Variants in AGPAT5 observed in about 807,000 individuals in gnomAD.
The protein encoded by AGPAT5 is 1-acylglycerol-3-phosphate O-acyltransferase 5, also known as 1-acyl-sn-glycerol-3-phosphate acyltransferase epsilon.
AGPAT5 carries 46 observed loss-of-function variants against 45.6 expected under a neutral mutation model. The ratio of observed to expected loss-of-function variants is 1.01; its 90% confidence interval spans 0.80 to 1.29. The LOEUF is 1.29. AGPAT5 is among the 50% of genes most tolerant of loss of function. The probability of loss-of-function intolerance (pLI) is 0.00; values close to 1 mark genes in which losing one functional copy is unlikely to be tolerated. For synonymous variants in AGPAT5, 272 were observed against 167.0 expected, an observed-to-expected ratio of 1.63 and a Z score of -4.85; for missense variants, 673 against 450.7, an observed-to-expected ratio of 1.49 and a Z score of -4.47.
chr8:6,729,435 T>C (rs1455261758), intron 2 of AGPAT5, among the ~76,000 whole-genome samples: 1 of 152,098 alleles, frequency 6.6e-6, no homozygotes, highest in African/African-American at 2.4e-5. Context: ...ATAGAATTAT[T>C]CTTTTCACAG....
intron 4 of AGPAT5, among the ~76,000 whole-genome samples, chr8:6,734,081 G>T (rs1392692774): frequency 1.3e-5 from 2 of 152,034 alleles, no homozygotes. Context: ...TTTTTACCTG[G>T]ATTGGTCCTC....
chr8:6,747,938 C>A, intron 6 of AGPAT5, 110 bp downstream of exon 6: 1 of 1,076,662 alleles, frequency 9.3e-7, no homozygotes, highest in Non-Finnish European at 1.3e-6. Context: ...TCCTTCATTA[C>A]ATTTACCCGG....
intron 4 of AGPAT5, among the ~76,000 whole-genome samples, chr8:6,734,244 T>G (rs531608975): frequency 7.9e-5 from 12 of 152,216 alleles, no homozygotes; most frequent in African/African-American, 2.9e-4. Context: ...GATGCATTAT[T>G]CGTTTTTTGT....
At chr8:6,727,950 C>G (rs1800741892) in intron 2 of AGPAT5, among the ~76,000 whole-genome samples, 1 of 152,166 alleles carries the variant, frequency 6.6e-6, no homozygotes. Context: ...GTCTCCTAAT[C>G]CTGGTAGCGT....
At chr8:6,712,207 C>G (rs2116846089) in intron 1 of AGPAT5, among the ~76,000 whole-genome samples, 1 of 152,286 alleles carries the variant, frequency 6.6e-6, no homozygotes, top group Non-Finnish European at 1.5e-5. Context: ...TTCCCATAAT[C>G]TTTTAGTTTC....
chr8:6,713,178 C>A (rs1438821343), intron 1 of AGPAT5, among the ~76,000 whole-genome samples: 1 of 152,156 alleles, frequency 6.6e-6, no homozygotes, highest in Non-Finnish European at 1.5e-5. Flanking sequence ...CTGTGTTGCC[C>A]AGGCTGGTCT....
chr8:6,727,050 G>A, intron 2 of AGPAT5, among the ~76,000 whole-genome samples: 1 of 152,106 alleles, frequency 6.6e-6, no homozygotes, highest in South Asian at 2.1e-4. Flanking sequence ...TTGTGTTTAG[G>A]TACCCTTCTA....
At chr8:6,754,917 T>A in intron 6 of AGPAT5, 134 bp from the exon 7 acceptor site, 2 of 699,838 alleles carry the variant, frequency 2.9e-6, no homozygotes, top group East Asian at 6.7e-5. Flanking sequence ...CTTTTGTTTA[T>A]TTTTCCTAAG....
intron 3 of AGPAT5, among the ~76,000 whole-genome samples, chr8:6,731,084 G>A (rs2116898289): frequency 6.6e-6 from 1 of 152,080 alleles, no homozygotes. Context: ...TGCCCAGGCT[G>A]GTCTTGGACT....
At chr8:6,756,707 T>A (rs572953481) in intron 7 of AGPAT5, among the ~76,000 whole-genome samples, 1 of 152,020 alleles carries the variant, frequency 6.6e-6, no homozygotes, top group African/African-American at 2.4e-5. Context: ...CATCCTTTGA[T>A]CTTGGTCTCT....
intron 2 of AGPAT5, among the ~76,000 whole-genome samples, chr8:6,728,296 T>C (rs1192753785): frequency 6.6e-6 from 1 of 152,240 alleles, no homozygotes; most frequent in Non-Finnish European, 1.5e-5. Flanking sequence ...GTCAAAGTAA[T>C]ATAATCTCAG....
chr8:6,727,687 T>A (rs919362134), intron 2 of AGPAT5, among the ~76,000 whole-genome samples: 1 of 152,190 alleles, frequency 6.6e-6, no homozygotes, highest in Non-Finnish European at 1.5e-5. Flanking sequence ...TGCCTGCTAT[T>A]TGCCTTTTTA....
At chr8:6,726,108 C>G (rs1271771883) in intron 2 of AGPAT5, among the ~76,000 whole-genome samples, 1 of 152,216 alleles carries the variant, frequency 6.6e-6, no homozygotes, top group South Asian at 2.1e-4. Context: ...ACTATTTTAT[C>G]TAATTACATT....
intron 2 of AGPAT5, among the ~76,000 whole-genome samples, chr8:6,730,096 T>TA (rs201311554): frequency 0.012 from 1,871 of 152,088 alleles, 21 homozygotes; most frequent in Middle Eastern, 0.027. Flanking sequence ...CCTTTCTCAT[T>TA]AAAAAAACTT....
chr8:6,738,562 C>T (rs1008801858), intron 4 of AGPAT5: 2 of 152,090 alleles, frequency 1.3e-5, no homozygotes, highest in Admixed American at 1.3e-4. Context: ...TGAGCACATA[C>T]TGTTGGAAAA....
intron 1 of AGPAT5, among the ~76,000 whole-genome samples, chr8:6,723,323 G>A (rs1336810699): frequency 6.6e-6 from 1 of 152,148 alleles, no homozygotes; most frequent in Admixed American, 6.5e-5. Flanking sequence ...GAAGGAGTGT[G>A]GGCAGGTGCG....
intron 2 of AGPAT5, among the ~76,000 whole-genome samples, chr8:6,727,582 T>C (rs1049321937): frequency 6.6e-6 from 1 of 152,200 alleles, no homozygotes; most frequent in Admixed American, 6.5e-5. Context: ...GGTTTCACCA[T>C]GTTGGTCAGG....
Position 6,748,264 on chromosome 8 carries a change from T to C in AGPAT5, c.745+436T>C, listed in dbSNP as rs532585070. ...TGCAGTTAAGTGTGACCTTTTTTTT[T>C]CCCCAAACATGTTAGGTTTTAAGAA... is the stretch of plus-strand genomic sequence containing the variant. On this transcript the variant is annotated intron_variant, in intron 6 of 7. Coordinates refer to ENST00000285518, the MANE Select transcript of AGPAT5 (RefSeq NM_018361.5). Among the ~76,000 whole-genome samples the C allele has an allele frequency of 3.2e-3, 481 of 152,314 alleles. 3 individuals carry two copies. The highest frequency in any genetic ancestry group is 0.019 in the South Asian group (93 of 4,832).
intron 4 of AGPAT5, 26 bp from the exon 5 acceptor site, chr8:6,741,635 A>C: frequency 6.5e-7 from 1 of 1,538,142 alleles, no homozygotes; most frequent in Non-Finnish European, 8.8e-7. Flanking sequence ...ACACAAAATA[A>C]ACCAAATTTG....
Sources: allele counts gnomAD v4.1 joint callset (sites outside exome capture counted in the v4.1 genomes callset), GRCh38; gene constraint gnomAD v4.1.1; transcripts MANE v1.5; gene names NCBI Gene and HGNC (gene_info 2026-07-23, HGNC 2026-07-21).